Variants in DENND1A observed in about 807,000 individuals in gnomAD.
DENND1A encodes the protein DENN domain containing 1A.
DENND1A carries 51 observed loss-of-function variants against 113.7 expected under a neutral mutation model. The observed-to-expected ratio is 0.45, with a 90% CI of 0.36 to 0.57. The LOEUF is 0.57. Ranked by LOEUF, DENND1A falls within the 20% of genes least tolerant of loss-of-function variation. The pLI, the probability that DENND1A is intolerant of heterozygous loss-of-function variation, is 0.00. For synonymous variants in DENND1A, 565 were observed against 570.8 expected, an observed-to-expected ratio of 0.99 and a Z score of 0.14; for missense variants, 1,258 against 1,395.9, an observed-to-expected ratio of 0.90 and a Z score of 1.57.
At chr9:123,639,966 G>C (rs1017916467) in intron 9 of DENND1A, among the ~76,000 whole-genome samples, 1 of 152,040 alleles carries the variant, frequency 6.6e-6, no homozygotes, top group Non-Finnish European at 1.5e-5. Flanking sequence ...GAGGCTCCTG[G>C]GTGTTGAGGA....
At chr9:123,476,910 T>C (rs1379945582) in intron 13 of DENND1A, among the ~76,000 whole-genome samples, 1 of 152,150 alleles carries the variant, frequency 6.6e-6, no homozygotes, top group Non-Finnish European at 1.5e-5. Flanking sequence ...GACGGTAGCA[T>C]AAGAGGGCGG....
intron 15 of DENND1A, among the ~76,000 whole-genome samples, chr9:123,455,408 G>A (rs950446317): frequency 6.6e-6 from 1 of 152,234 alleles, no homozygotes. Context: ...CTACTTAAGG[G>A]ACCACGGGGT....
chr9:123,598,058 A>C (rs888237310), intron 11 of DENND1A, among the ~76,000 whole-genome samples: 6 of 152,218 alleles, frequency 3.9e-5, no homozygotes, highest in African/African-American at 1.4e-4. Context: ...CAGTTAAGGG[A>C]GCTGAGCCCT....
intron 1 of DENND1A, among the ~76,000 whole-genome samples, chr9:123,882,713 C>A (rs933427405): frequency 1.3e-5 from 2 of 152,190 alleles, no homozygotes; most frequent in African/African-American, 4.8e-5. Context: ...TATGTCACTT[C>A]TTTGCTCAAA....
intron 4 of DENND1A, among the ~76,000 whole-genome samples, chr9:123,761,561 T>C (rs1340912790): frequency 6.6e-6 from 1 of 152,212 alleles, no homozygotes; most frequent in Non-Finnish European, 1.5e-5. Context: ...ACCAAGTGAC[T>C]GATGCTTGCC....
intron 10 of DENND1A, among the ~76,000 whole-genome samples, chr9:123,618,008 C>G (rs557737575): frequency 6.6e-6 from 1 of 152,218 alleles, no homozygotes. Flanking sequence ...ATCCCATGTG[C>G]CAAGATGCAT....
chr9:123,456,293 G>C (rs778400868), intron 15 of DENND1A, among the ~76,000 whole-genome samples: 25 of 152,142 alleles, frequency 1.6e-4, no homozygotes, highest in Non-Finnish European at 2.6e-4. Flanking sequence ...AGCAATAAAA[G>C]GGGGCCAGCA....
intron 11 of DENND1A, among the ~76,000 whole-genome samples, chr9:123,585,434 G>A (rs978173366): frequency 3.9e-5 from 6 of 152,230 alleles, no homozygotes; most frequent in Admixed American, 3.9e-4. Flanking sequence ...TAATGGCAAA[G>A]AATGTACTTT....
At chr9:123,557,509 C>CT in intron 13 of DENND1A, 61 bp downstream of exon 13, 1 of 1,588,836 alleles carries the variant, frequency 6.3e-7, no homozygotes, top group South Asian at 1.1e-5. Flanking sequence ...CTTGTGGCCC[C>CT]TGAGGTATGC....
At chr9:123,694,122 C>G (rs1329477836) in intron 5 of DENND1A, among the ~76,000 whole-genome samples, 3 of 152,088 alleles carry the variant, frequency 2.0e-5, no homozygotes, top group Non-Finnish European at 2.9e-5. Flanking sequence ...GCGTGAGCCA[C>G]TGCACCTGGC....
At chr9:123,873,749 T>C (rs1847014145) in intron 2 of DENND1A, among the ~76,000 whole-genome samples, 3 of 147,326 alleles carry the variant, frequency 2.0e-5, no homozygotes, top group South Asian at 4.2e-4. Flanking sequence ...CTATCTCTCT[T>C]TTTTTTTTTT....
intron 13 of DENND1A, among the ~76,000 whole-genome samples, chr9:123,502,854 T>C (rs1324824081): frequency 6.6e-6 from 1 of 152,218 alleles, no homozygotes; most frequent in Non-Finnish European, 1.5e-5. Flanking sequence ...TTGAGCCCAC[T>C]AACTTTCTAA....
At chr9:123,705,770 T>G (rs1053553075) in intron 5 of DENND1A, among the ~76,000 whole-genome samples, 3 of 152,196 alleles carry the variant, frequency 2.0e-5, no homozygotes, top group African/African-American at 7.2e-5. Context: ...AGTGAAAATT[T>G]CAACCTGGTT....
At chr9:123,906,946 G>A (rs1423583111) in intron 1 of DENND1A, among the ~76,000 whole-genome samples, 4 of 139,894 alleles carry the variant, frequency 2.9e-5, no homozygotes, top group Admixed American at 7.3e-5. Context: ...GAACATTGAC[G>A]CAAAAATCCT....
chr9:123,844,527 T>C (rs1842303753), intron 2 of DENND1A, among the ~76,000 whole-genome samples: 1 of 152,136 alleles, frequency 6.6e-6, no homozygotes, highest in African/African-American at 2.4e-5. Context: ...GCAAAACTTA[T>C]ACTCTGAAAA....
chr9:123,578,616 A>T (rs2058735619), intron 12 of DENND1A, among the ~76,000 whole-genome samples: 1 of 152,236 alleles, frequency 6.6e-6, no homozygotes, highest in South Asian at 2.1e-4. Context: ...ATAATAACCC[A>T]ATCCATATGT....
At chr9:123,849,865 G>A (rs567438218) in intron 2 of DENND1A, among the ~76,000 whole-genome samples, 12 of 152,288 alleles carry the variant, frequency 7.9e-5, no homozygotes, top group African/African-American at 2.9e-4. Flanking sequence ...AGACTTCAGT[G>A]GAGGAAGTAA....
At chr9:123,707,548 T>C (rs541435354) in intron 5 of DENND1A, among the ~76,000 whole-genome samples, 6 of 152,274 alleles carry the variant, frequency 3.9e-5, no homozygotes, top group Non-Finnish European at 7.4e-5. Flanking sequence ...TTCCCTTCCC[T>C]GGAAGTCATA....
At chr9:123,517,078 C>CTGTATG (rs2053994846) in intron 13 of DENND1A, among the ~76,000 whole-genome samples, 1 of 151,308 alleles carries the variant, frequency 6.6e-6, no homozygotes, top group African/African-American at 2.4e-5. Flanking sequence ...AGGTGAAACC[C>CTGTATG]TGTCTCTACT....
Sources: allele counts gnomAD v4.1 joint callset (sites outside exome capture counted in the v4.1 genomes callset), GRCh38; gene constraint gnomAD v4.1.1; transcripts MANE v1.5; gene names NCBI Gene and HGNC (gene_info 2026-07-23, HGNC 2026-07-21).